CPSF4: variants seen among roughly 807,000 people sequenced by gnomAD.
The protein encoded by CPSF4 is cleavage and polyadenylation specificity factor subunit 4.
Under a neutral mutation model 37.7 loss-of-function variants are expected in CPSF4, and 11 were observed. The ratio of observed to expected loss-of-function variants is 0.29; its 90% CI spans 0.18 to 0.48. CPSF4 has a LOEUF of 0.48. Among genes scored for constraint, CPSF4 ranks in the 20% least tolerant of loss-of-function variants. The pLI is 0.99. For synonymous variants in CPSF4, 132 were observed against 135.9 expected, an observed-to-expected ratio of 0.97 and a Z score of 0.20; for missense variants, 144 against 359.5, an observed-to-expected ratio of 0.40 and a Z score of 4.85.
chr7:99,441,471 C>T (rs1032012651), intron 1 of CPSF4: 2 of 456,296 alleles, frequency 4.4e-6, no homozygotes, highest in South Asian at 3.1e-5. Context: ...CCTCCACACT[C>T]GCTGCTTGTC....
At chr7:99,451,794 C>T (rs1367630746) in intron 5 of CPSF4, among the ~76,000 whole-genome samples, 1 of 152,200 alleles carries the variant, frequency 6.6e-6, no homozygotes, top group Non-Finnish European at 1.5e-5. Context: ...ACAAGCCTCC[C>T]TTCCTCCCGG....
Position 99,439,117 on chromosome 7 carries a change from A to T in CPSF4, c.35A>T (p.Lys12Met). ...QEIIASVDHIKFDLEIAVEQQ... is the reference protein window; with the variant it reads ...QEIIASVDHIMFDLEIAVEQQ... ...ATCATCGCCAGCGTGGACCACATCA[A>T]GTTTGACTTGGAGATCGCGGTGGAG... is the stretch of plus-strand genomic sequence containing the variant. Residue 12 changes from lysine to methionine, a missense_variant, in exon 1 of 8, where the codon AAG (lysine) becomes ATG (methionine). Transcript: ENST00000292476. 6.2e-7 allele frequency: 1 copy of T among 1,611,698 alleles called. No individual in the cohort carries two copies. Among genetic ancestry groups the T allele is most frequent in the Non-Finnish European group, 8.5e-7 (1 of 1,179,560 alleles).
In CPSF4 at chr7:99,439,038, A is replaced by C; in HGVS notation, c.-45A>C. 6.4e-7 allele frequency: 1 copy of C among 1,556,092 alleles called. No homozygotes were observed. The highest frequency in any genetic ancestry group is 8.7e-7 in the Non-Finnish European group (1 of 1,146,994). ...CGGCGGGTAAAGGCGAGAAGGCTGC[A>C]GGAGACCGAGGGGGAGCCGGGCCGG... On this transcript the variant is annotated 5_prime_UTR_variant, in exon 1 of 8. Coordinates refer to ENST00000292476, the MANE Select transcript of CPSF4 (RefSeq NM_006693.4).
chr7:99,448,319 A>G lies in CPSF4; in HGVS notation c.307+46A>G. 6.2e-7 allele frequency: 1 copy of G among 1,604,842 alleles called. No individual in the cohort carries two copies. Among genetic ancestry groups the G allele is most frequent in the Admixed American group, 1.7e-5 (1 of 59,052 alleles). On this transcript the variant is annotated intron_variant, in intron 3 of 7. Coordinates refer to ENST00000292476, the MANE Select transcript of CPSF4 (RefSeq NM_006693.4). The surrounding 1 kb of genome is among the most constrained non-coding windows in gnomAD (Gnocchi z 4.4). The stretch of plus-strand genomic sequence containing the variant: ...GAGGCTCTGCTGAGAACCAGGGTGC[A>G]GAGGGGTCCGCTGGCTGCTCAGTGC...
chr7:99,452,320 A>G, intron 5 of CPSF4, 48 bp from the exon 6 acceptor site: 2 of 1,497,142 alleles, frequency 1.3e-6, no homozygotes, highest in South Asian at 1.1e-5. Flanking sequence ...TCATCCCCTG[A>G]CCCCACTCCT....
At chr7:99,443,156 C>CT in intron 1 of CPSF4, 1 of 790,614 alleles carries the variant, frequency 1.3e-6, no homozygotes, top group Non-Finnish European at 2.3e-6. Context: ...GAGCAGCTTT[C>CT]TTACTCTCCA....
Position 99,456,761 on chromosome 7 carries a change from G to A in CPSF4, c.*261G>A. On this transcript the variant is annotated 3_prime_UTR_variant, in exon 8 of 8. Transcript: ENST00000292476. ...CGATGCCTCCTTTCTGGGACTCCCG[G>A]CACAACTCCCCTCATCCAGGGAGGG... 1.8e-6 allele frequency: 1 copy of A among 549,722 alleles called. No homozygotes were observed. The highest frequency in any genetic ancestry group is 1.8e-5 in the South Asian group (1 of 54,286). The allele number at this position is 549,722 out of a possible 1,614,324, so 34.1% of individuals were successfully genotyped here. A position where few individuals can be genotyped will look rare whatever the true frequency, so the allele number is the denominator to read the frequency against.
rs573695338 is a variant in CPSF4, at chr7:99,448,867, C to T, written c.307+594C>T. On this transcript the variant is annotated intron_variant, in intron 3 of 7. Coordinates refer to ENST00000292476, the MANE Select transcript of CPSF4 (RefSeq NM_006693.4). The surrounding 1 kb of genome is among the most constrained non-coding windows in gnomAD (Gnocchi z 4.4). Reference sequence around the variant, plus strand: ...CCTAAATAGCCCTTCAAAATAACAGCCTCAGATGTGTCTTCTGGTAGCAAC... The same window carrying T: ...CCTAAATAGCCCTTCAAAATAACAGTCTCAGATGTGTCTTCTGGTAGCAAC... 1 of 152,658 alleles carries T rather than the reference C, an allele frequency of 6.6e-6. No individual in the cohort carries two copies. Among genetic ancestry groups the T allele is most frequent in the South Asian group, 2.1e-4 (1 of 4,852 alleles). 9.5% of individuals were successfully genotyped at this position (152,658 alleles called of 1,614,324 possible). A position where few individuals can be genotyped will look rare whatever the true frequency, so the allele number is the denominator to read the frequency against.
chr7:99,456,976 G>C lies in CPSF4; in HGVS notation c.*476G>C, dbSNP rs1798354615. 3.7e-6 allele frequency: 1 copy of C among 268,286 alleles called. No homozygotes were observed. Among genetic ancestry groups the C allele is most frequent in the African/African-American group, 2.2e-5 (1 of 45,654 alleles). The allele number at this position is 268,286 out of a possible 1,614,324, so 16.6% of individuals were successfully genotyped here. ...GTGCCTATATCTGTGATTTGAATGA[G>C]GGAGCCCTTTGGGGCAAATTCAGGT... On this transcript the variant is annotated 3_prime_UTR_variant, in exon 8 of 8. Coordinates refer to ENST00000292476, the MANE Select transcript of CPSF4 (RefSeq NM_006693.4).
intron 1 of CPSF4, among the ~76,000 whole-genome samples, chr7:99,440,674 A>ATATATTTTTTTTTT: frequency 1.1e-5 from 1 of 88,086 alleles, no homozygotes; most frequent in Admixed American, 1.2e-4. Flanking sequence ...ATATATATAT[A>ATATATTTTTTTTTT]TTTTTTTTTT....
chr7:99,443,339 A>G (rs1797190607), intron 1 of CPSF4: 6 of 1,000,978 alleles, frequency 6.0e-6, no homozygotes, highest in East Asian at 4.8e-5. Context: ...CTCCTAGTAC[A>G]TCTTCATTTG....
chr7:99,440,821 C>G (rs1337152847), intron 1 of CPSF4, among the ~76,000 whole-genome samples: 6 of 150,900 alleles, frequency 4.0e-5, no homozygotes. Context: ...CTATTTGACA[C>G]AGGCACAAAC....
In CPSF4 at chr7:99,442,792, G is replaced by A. The variant is rs185297841; in HGVS notation, c.104-1997G>A. 2.1e-3 allele frequency: 1,506 copies of A among 728,788 alleles called. 2 individuals carry two copies. Among genetic ancestry groups the A allele is most frequent in the Non-Finnish European group, 3.2e-3 (1,310 of 410,764 alleles). 45.1% of individuals were successfully genotyped at this position (728,788 alleles called of 1,614,324 possible). ...TACCTGGGGTACCTGCTCCCTCATT[G>A]CAAGGCAAGACTGCATTTAGTATAT... On this transcript the variant is annotated intron_variant, in intron 1 of 7. Transcript: ENST00000292476.
At chr7:99,451,432 C>A (rs1036144868) in intron 5 of CPSF4, among the ~76,000 whole-genome samples, 2 of 152,172 alleles carry the variant, frequency 1.3e-5, no homozygotes, top group Admixed American at 6.5e-5. Flanking sequence ...TGGTGAAACC[C>A]CGTCTCTACT....
rs1328944168 is a variant in CPSF4 at position 99,448,323 on chromosome 7, G to A, written c.307+50G>A. The A allele has an allele frequency of 1.3e-6, 2 of 1,596,084 alleles. No homozygotes were observed. The highest frequency in any genetic ancestry group is 1.7e-6 in the Non-Finnish European group (2 of 1,169,084). Reference sequence around the variant, plus strand: ...CTCTGCTGAGAACCAGGGTGCAGAGGGGTCCGCTGGCTGCTCAGTGCCCAC... The same window carrying A: ...CTCTGCTGAGAACCAGGGTGCAGAGAGGTCCGCTGGCTGCTCAGTGCCCAC... On this transcript the variant is annotated intron_variant, in intron 3 of 7. Coordinates refer to ENST00000292476, the MANE Select transcript of CPSF4 (RefSeq NM_006693.4). This position sits in a 1 kb window ranked among gnomAD's most constrained non-coding sequence, Gnocchi z 4.4.
intron 7 of CPSF4, among the ~76,000 whole-genome samples, chr7:99,456,104 A>G (rs1798287675): frequency 6.6e-6 from 1 of 152,162 alleles, no homozygotes; most frequent in Non-Finnish European, 1.5e-5. Context: ...CCCACTTGGG[A>G]GTCCCTCCCT....
intron 7 of CPSF4, among the ~76,000 whole-genome samples, chr7:99,454,412 C>G (rs778349654): frequency 7.9e-5 from 12 of 152,124 alleles, no homozygotes; most frequent in Non-Finnish European, 1.5e-4. Context: ...CCCAAGAGGC[C>G]GGGAACAAAA....
At chr7:99,440,672 A>ATTTTTTTT (rs1406517833) in intron 1 of CPSF4, among the ~76,000 whole-genome samples, 1 of 81,980 alleles carries the variant, frequency 1.2e-5, no homozygotes, top group African/African-American at 1.3e-4. Flanking sequence ...ATATATATAT[A>ATTTTTTTT]TATTTTTTTT....
chr7:99,452,044 G>A lies in CPSF4; in HGVS notation c.498-324G>A, dbSNP rs377091780. On this transcript the variant is annotated intron_variant, in intron 5 of 7. Transcript: ENST00000292476. Reference sequence around the variant, plus strand: ...GGGGGCTTCCCTGTGTACAGCTCCTGTGGCGCAGCAGGCACGCACCAGCAC... The same window carrying A: ...GGGGGCTTCCCTGTGTACAGCTCCTATGGCGCAGCAGGCACGCACCAGCAC... Among the ~76,000 whole-genome samples, 5 of 152,328 alleles carry A rather than the reference G, an allele frequency of 3.3e-5. No homozygotes were observed. The East Asian group carries it at 5.8e-4, about 18-fold the overall frequency.
Sources: allele counts gnomAD v4.1 joint callset (sites outside exome capture counted in the v4.1 genomes callset), GRCh38; gene constraint gnomAD v4.1.1; non-coding constraint Gnocchi (gnomAD v3.1); transcripts MANE v1.5; gene names NCBI Gene and HGNC (gene_info 2026-07-23, HGNC 2026-07-21).